Variants in RHOH observed in about 807,000 individuals in gnomAD.
RHOH encodes the protein ras homolog family member H.
A neutral mutation model predicts 13.8 loss-of-function variants in RHOH; 6 were observed. The observed-to-expected ratio is 0.44, with a 90% CI of 0.24 to 0.86. RHOH has a LOEUF of 0.86. Ranked by LOEUF, RHOH falls within the 40% of genes least tolerant of loss-of-function variation. The pLI is 0.24. For missense variants in RHOH, 147 were observed against 244.5 expected (o/e 0.60, Z 2.66); for synonymous variants, 117 against 103.0 (o/e 1.14, Z -0.82).
intron 1 of RHOH, among the ~76,000 whole-genome samples, chr4:40,208,343 T>G (rs558177010): frequency 6.6e-6 from 1 of 152,368 alleles, no homozygotes; most frequent in East Asian, 1.9e-4. Context: ...TTAACAACTC[T>G]TAAGAACTGT....
intron 1 of RHOH, among the ~76,000 whole-genome samples, chr4:40,231,423 C>T (rs1020700951): frequency 4.6e-5 from 7 of 151,572 alleles, no homozygotes; most frequent in Non-Finnish European, 2.9e-5. Context: ...CCCTGGCTAC[C>T]CCACTTCTCT....
Position 40,243,648 on chromosome 4 carries a change from C to A in RHOH, c.262C>A (p.His88Asn), listed in dbSNP as rs779478982. 2 of 1,614,174 alleles carry A rather than the reference C, an allele frequency of 1.2e-6. No individual in the cohort carries two copies. Among genetic ancestry groups the A allele is most frequent in the Non-Finnish European group, 1.7e-6 (2 of 1,180,022 alleles). The change falls in exon 3 of 3, where the codon CAT becomes AAT. Residue 88 changes from histidine (H) to asparagine (N), a missense_variant. His to Asn is a moderately conservative substitution (Grantham distance 68). This residue lies in a region of RHOH where 80 missense variants were observed against 152.0 expected (regional missense o/e 0.53). Coordinates refer to ENST00000381799, the MANE Select transcript of RHOH (RefSeq NM_004310.5). The surrounding 1 kb of genome is among the most constrained non-coding windows in gnomAD (Gnocchi z 6.2). Reference sequence around the variant, plus strand: ...GCTGATGTGCTACTCTGTGGCCAACCATAACTCATTCCTGAACTTGAAGAA... The same window carrying A: ...GCTGATGTGCTACTCTGTGGCCAACAATAACTCATTCCTGAACTTGAAGAA... ...VVLMCYSVAN[H>N]NSFLNLKNKW... is the part of the protein sequence containing the mutation.
At chr4:40,210,089 C>CGTGT (rs5857717) in intron 1 of RHOH, among the ~76,000 whole-genome samples, 55,801 of 145,338 alleles carry the variant, frequency 0.38, 11,062 homozygotes, top group Non-Finnish European at 0.47. Context: ...ACATTGTGTG[C>CGTGT]GTGTGTGTGT....
At chr4:40,229,478 G>A (rs1403049177) in intron 1 of RHOH, among the ~76,000 whole-genome samples, 2 of 151,702 alleles carry the variant, frequency 1.3e-5, no homozygotes, top group African/African-American at 4.8e-5. Flanking sequence ...TCTACTAAAA[G>A]TACAAAATTA....
chr4:40,219,022 G>A (rs1726211867), intron 1 of RHOH, among the ~76,000 whole-genome samples: 1 of 152,202 alleles, frequency 6.6e-6, no homozygotes, highest in Non-Finnish European at 1.5e-5. Flanking sequence ...AGAGTTGGGT[G>A]ACTCAATCTA....
At chr4:40,224,043 A>AT (rs1246833560) in intron 1 of RHOH, among the ~76,000 whole-genome samples, 4 of 152,170 alleles carry the variant, frequency 2.6e-5, no homozygotes, top group African/African-American at 9.7e-5. Context: ...AAGTGCTGGG[A>AT]TTACAGGCTC....
At chr4:40,230,468 C>T (rs927585999) in intron 1 of RHOH, among the ~76,000 whole-genome samples, 3 of 151,820 alleles carry the variant, frequency 2.0e-5, no homozygotes, top group Non-Finnish European at 4.4e-5. Context: ...ATAGCTGGGA[C>T]TACAGGCACA....
chr4:40,238,711 A>G (rs963447291), intron 1 of RHOH, among the ~76,000 whole-genome samples: 1 of 152,146 alleles, frequency 6.6e-6, no homozygotes, highest in Non-Finnish European at 1.5e-5. Context: ...ATCTGATTCA[A>G]AGCCTGAGAA....
chr4:40,198,050 C>T (rs1723447368), intron 1 of RHOH, among the ~76,000 whole-genome samples: 1 of 152,318 alleles, frequency 6.6e-6, no homozygotes, highest in East Asian at 1.9e-4. Context: ...TTTTAAAAAT[C>T]TCTACTTTGA....
chr4:40,204,110 C>T (rs1029122320), intron 1 of RHOH, among the ~76,000 whole-genome samples: 1 of 152,176 alleles, frequency 6.6e-6, no homozygotes, highest in African/African-American at 2.4e-5. Flanking sequence ...TGAATGACAT[C>T]GCAGTAGCCA....
intron 1 of RHOH, among the ~76,000 whole-genome samples, chr4:40,225,825 G>C (rs1334228616): frequency 1.3e-5 from 2 of 152,154 alleles, no homozygotes; most frequent in Admixed American, 6.5e-5. Context: ...GGTAGGGAGA[G>C]GGGAGGTAGA....
At chr4:40,211,114 T>C (rs1295845980) in intron 1 of RHOH, among the ~76,000 whole-genome samples, 1 of 152,248 alleles carries the variant, frequency 6.6e-6, no homozygotes, top group Non-Finnish European at 1.5e-5. Flanking sequence ...CTCATTGTAC[T>C]GTAAACATCT....
intron 1 of RHOH, among the ~76,000 whole-genome samples, chr4:40,210,089 CGTGTGTGTGTGTGTGTGTGT>C (rs5857717): frequency 6.9e-6 from 1 of 145,458 alleles, no homozygotes; most frequent in African/African-American, 2.5e-5. Context: ...ACATTGTGTG[CGTGTGTGTGTGTGTGTGTGT>C]GTGTGTGTGT....
At chr4:40,202,366 A>G (rs1724125028) in intron 1 of RHOH, among the ~76,000 whole-genome samples, 1 of 152,226 alleles carries the variant, frequency 6.6e-6, no homozygotes, top group African/African-American at 2.4e-5. Context: ...TTTGTTGTGA[A>G]TAAGAATTAA....
At chr4:40,207,473 T>C (rs59283488) in intron 1 of RHOH, among the ~76,000 whole-genome samples, 1,596 of 152,270 alleles carry the variant, frequency 0.01, 28 homozygotes, top group African/African-American at 0.036. Context: ...TGAAAACACA[T>C]GGATGGTTTT....
At chr4:40,207,660 G>C (rs1365651314) in intron 1 of RHOH, among the ~76,000 whole-genome samples, 1 of 152,174 alleles carries the variant, frequency 6.6e-6, no homozygotes, top group Non-Finnish European at 1.5e-5. Context: ...AGATGCTTGT[G>C]GTTTCTGTTT....
chr4:40,226,316 C>T (rs1004609481), intron 1 of RHOH, among the ~76,000 whole-genome samples: 1 of 151,938 alleles, frequency 6.6e-6, no homozygotes. Flanking sequence ...CACCTGAGGT[C>T]GGGAGTTCAA....
intron 1 of RHOH, among the ~76,000 whole-genome samples, chr4:40,203,547 A>T (rs936217673): frequency 6.7e-6 from 1 of 149,874 alleles, no homozygotes; most frequent in Non-Finnish European, 1.5e-5. Flanking sequence ...TGTGTGTGAG[A>T]GAGAGAGAGT....
intron 1 of RHOH, chr4:40,205,705 G>C (rs1445926619): frequency 2.0e-5 from 3 of 152,164 alleles, no homozygotes; most frequent in Non-Finnish European, 4.4e-5. Flanking sequence ...AACCCTACTG[G>C]AAGTGGTAAG....
Sources: gnomAD v4.1 joint callset for allele counts (sites outside exome capture counted in the v4.1 genomes callset) on GRCh38, gnomAD v4.1.1 for gene constraint, gnomAD v4.1.1 regional missense constraint, Gnocchi (gnomAD v3.1) non-coding constraint, MANE v1.5 for transcripts, NCBI Gene and HGNC (gene_info 2026-07-23, HGNC 2026-07-21) for gene names.